The following MTMR12 variants were observed in gnomAD, a reference collection of about 807,000 sequenced individuals.
MTMR12 encodes the protein myotubularin-related protein 12.
In MTMR12, 33 loss-of-function variants were observed where a neutral mutation model predicts 96.7. The observed-to-expected ratio is 0.34, with a 90% CI of 0.26 to 0.46. The LOEUF is 0.46. Ranked by LOEUF, MTMR12 falls within the 20% of genes least tolerant of loss-of-function variation. MTMR12 has a pLI of 1.00. For synonymous variants in MTMR12, 298 were observed against 327.2 expected (o/e 0.91, Z 0.96); for missense variants, 721 against 896.1 (o/e 0.80, Z 2.49).
intron 3 of MTMR12, among the ~76,000 whole-genome samples, chr5:32,272,963 T>C (rs944013103): frequency 1.3e-5 from 2 of 152,164 alleles, no homozygotes; most frequent in South Asian, 2.1e-4. Context: ...AGTTGGCACA[T>C]TGGGGCCAGG....
intron 14 of MTMR12, among the ~76,000 whole-genome samples, chr5:32,234,335 C>A (rs1051268786): frequency 2.0e-5 from 3 of 152,160 alleles, no homozygotes; most frequent in Non-Finnish European, 4.4e-5. Flanking sequence ...TTTGGTAATC[C>A]TCCCAGCTCA....
intron 1 of MTMR12, among the ~76,000 whole-genome samples, chr5:32,287,422 C>A (rs2112122053): frequency 6.6e-6 from 1 of 152,318 alleles, no homozygotes; most frequent in African/African-American, 2.4e-5. Context: ...ACATCAGACT[C>A]CAAGTTCTTC....
chr5:32,229,650 G>C lies in MTMR12; in HGVS notation c.*128C>G. On this transcript the variant is annotated 3_prime_UTR_variant, in exon 16 of 16. Transcript: ENST00000382142. Reference sequence around the variant, plus strand: ...ATGAGAGCCACCTCTTTTCCCGAAGGCCCAGGTTTATTCTAACGGAGTGCC... The same window carrying C: ...ATGAGAGCCACCTCTTTTCCCGAAGCCCCAGGTTTATTCTAACGGAGTGCC... The C allele has an allele frequency of 2.5e-6, 2 of 811,558 alleles. No homozygotes were observed. Among genetic ancestry groups the C allele is most frequent in the Non-Finnish European group, 3.5e-6 (2 of 568,300 alleles). The allele number at this position is 811,558 out of a possible 1,614,324, so 50.3% of individuals were successfully genotyped here.
At chr5:32,300,331 T>C (rs964534601) in intron 1 of MTMR12, among the ~76,000 whole-genome samples, 3 of 152,202 alleles carry the variant, frequency 2.0e-5, no homozygotes, top group African/African-American at 4.8e-5. Flanking sequence ...CTATTCACGT[T>C]ACAGGTAAGA....
rs139038071 is a variant in MTMR12, at chr5:32,271,743, A to T, written c.358+90T>A. On this transcript the variant is annotated intron_variant, in intron 4 of 15. Transcript: ENST00000382142. ...AGATGATATATGTGAAAAAATTTTT[A>T]AAAATTATAAATGGTCATAAAAATA... is the stretch of plus-strand genomic sequence containing the variant. The T allele has an allele frequency of 3.2e-4, 254 of 796,862 alleles. 1 individual carries two copies. The African/African-American group carries it at 3.8e-3, about 12-fold the overall frequency. The allele number at this position is 796,862 out of a possible 1,614,324, so 49.4% of individuals were successfully genotyped here.
In MTMR12 at chr5:32,261,896, C is replaced by T. The variant is rs557465868; in HGVS notation, c.713+1217G>A. On this transcript the variant is annotated intron_variant, in intron 7 of 15. Coordinates refer to ENST00000382142, the MANE Select transcript of MTMR12 (RefSeq NM_001040446.3). ...GACCATCCTGGCTAACAGGGTGAAACCCTGTCTCTACTAAAAACACAAAAA... is the reference window on the plus strand; with the variant it reads ...GACCATCCTGGCTAACAGGGTGAAATCCTGTCTCTACTAAAAACACAAAAA... 7.9e-5 allele frequency among the ~76,000 whole-genome samples: 12 copies of T among 152,276 alleles called. No individual in the cohort carries two copies. The East Asian group carries it at 1.9e-3, about 25-fold the overall frequency.
At chr5:32,242,673 C>G (rs571455703) in intron 11 of MTMR12, among the ~76,000 whole-genome samples, 7 of 151,886 alleles carry the variant, frequency 4.6e-5, no homozygotes, top group African/African-American at 1.4e-4. Flanking sequence ...TCTCCTACCC[C>G]CCAGCCACCT....
intron 10 of MTMR12, among the ~76,000 whole-genome samples, chr5:32,246,173 T>TTTTTTTTTTTGTTG (rs1332242386): frequency 6.9e-6 from 1 of 144,380 alleles, no homozygotes; most frequent in African/African-American, 2.5e-5. Context: ...GTAGACAGTT[T>TTTTTTTTTTTGTTG]TTTTTTTTTT....
intron 1 of MTMR12, among the ~76,000 whole-genome samples, chr5:32,310,940 C>T (rs542966755): frequency 6.6e-6 from 1 of 150,450 alleles, no homozygotes; most frequent in Non-Finnish European, 1.5e-5. Flanking sequence ...GTGGCGCGAT[C>T]TCGGCTCACT....
chr5:32,263,276 T>A, intron 6 of MTMR12, 34 bp from the exon 7 acceptor site: 1 of 1,611,406 alleles, frequency 6.2e-7, no homozygotes, highest in Middle Eastern at 1.7e-4. Context: ...CAATAAAATC[T>A]TTCCATGAAG....
chr5:32,266,560 C>T (rs997457646), intron 6 of MTMR12, among the ~76,000 whole-genome samples: 7 of 151,776 alleles, frequency 4.6e-5, no homozygotes, highest in East Asian at 3.9e-4. Context: ...TGGTGGCATG[C>T]GCCTGTAATC....
chr5:32,276,948 C>A (rs893505865), intron 1 of MTMR12, among the ~76,000 whole-genome samples: 1 of 121,220 alleles, frequency 8.2e-6, no homozygotes, highest in South Asian at 2.8e-4. Context: ...TGCAGTGGCA[C>A]GATCTCAGCT....
chr5:32,274,995 C>T (rs2112091341), intron 2 of MTMR12, among the ~76,000 whole-genome samples: 1 of 152,018 alleles, frequency 6.6e-6, no homozygotes, highest in East Asian at 1.9e-4. Flanking sequence ...TTTGCAACAA[C>T]AACAAAAAAA....
At chr5:32,277,448 C>T (rs574457428) in intron 1 of MTMR12, among the ~76,000 whole-genome samples, 1 of 152,182 alleles carries the variant, frequency 6.6e-6, no homozygotes, top group East Asian at 1.9e-4. Context: ...CCTGTAATTC[C>T]AGCACTTTGG....
chr5:32,232,537 G>A (rs555641888), intron 15 of MTMR12, among the ~76,000 whole-genome samples: 7 of 152,280 alleles, frequency 4.6e-5, no homozygotes, highest in East Asian at 1.9e-4. Flanking sequence ...CACAACAGAC[G>A]TTGTCCTCGC....
chr5:32,243,433 TCAAA>T (rs1293348080), intron 11 of MTMR12, 84 bp downstream of exon 11: 1 of 906,776 alleles, frequency 1.1e-6, no homozygotes, highest in Non-Finnish European at 1.7e-6. Flanking sequence ...CTGTCAAATA[TCAAA>T]CAGTTAAATT....
intron 1 of MTMR12, among the ~76,000 whole-genome samples, chr5:32,286,133 G>C (rs1750531202): frequency 1.3e-5 from 2 of 152,176 alleles, no homozygotes; most frequent in Admixed American, 6.5e-5. Flanking sequence ...TTGAGCCCAA[G>C]TTCGAGACAA....
intron 6 of MTMR12, among the ~76,000 whole-genome samples, chr5:32,267,247 G>A (rs1219134117): frequency 6.6e-6 from 1 of 151,668 alleles, no homozygotes; most frequent in African/African-American, 2.4e-5. Context: ...GTGGTGGTGT[G>A]TGCTTGTAAT....
At chr5:32,248,745 A>C in intron 9 of MTMR12, 27 bp downstream of exon 9, 1 of 1,573,482 alleles carries the variant, frequency 6.4e-7, no homozygotes, top group South Asian at 1.1e-5. Context: ...GAACTGAACA[A>C]GAACAAAATG....
Sources: gnomAD v4.1 joint callset for allele counts (sites outside exome capture counted in the v4.1 genomes callset) on GRCh38, gnomAD v4.1.1 for gene constraint, MANE v1.5 for transcripts, NCBI Gene and HGNC (gene_info 2026-07-23, HGNC 2026-07-21) for gene names.